The following DLG2 variants were observed in gnomAD, a reference collection of about 807,000 sequenced individuals.
The protein encoded by DLG2 is discs large MAGUK scaffold protein 2.
Under a neutral mutation model 132.5 loss-of-function variants are expected in DLG2, and 45 were observed. That is an observed-to-expected ratio of 0.34 (90% CI 0.27 to 0.44). The LOEUF is 0.44. Among genes scored for constraint, DLG2 ranks in the 20% least tolerant of loss-of-function variants. The pLI, the probability that DLG2 is intolerant of heterozygous loss-of-function variation, is 1.00. For missense variants in DLG2, 1,045 were observed against 1,196.9 expected, an observed-to-expected ratio of 0.87 and a Z score of 1.87; for synonymous variants, 424 against 419.6, an observed-to-expected ratio of 1.01 and a Z score of -0.13.
intron 3 of DLG2, among the ~76,000 whole-genome samples, chr11:85,404,221 A>G (rs1261176355): frequency 6.6e-6 from 1 of 152,024 alleles, no homozygotes; most frequent in Non-Finnish European, 1.5e-5. Flanking sequence ...AATATCTGGC[A>G]TCATTGGCAT....
intron 3 of DLG2, among the ~76,000 whole-genome samples, chr11:85,512,339 T>G (rs1298926823): frequency 6.6e-6 from 1 of 152,144 alleles, no homozygotes; most frequent in Non-Finnish European, 1.5e-5. Context: ...TTAGTTGAAG[T>G]GACTATGCTG....
chr11:85,397,234 A>T (rs1012980436), intron 3 of DLG2, among the ~76,000 whole-genome samples: 6 of 152,186 alleles, frequency 3.9e-5, no homozygotes, highest in African/African-American at 1.4e-4. Flanking sequence ...ATGCTGAGAG[A>T]TTTTGTCACC....
intron 6 of DLG2, among the ~76,000 whole-genome samples, chr11:84,807,188 G>A (rs971450376): frequency 1.1e-4 from 16 of 152,184 alleles, no homozygotes; most frequent in African/African-American, 3.9e-4. Context: ...GCTCACATCT[G>A]TAATCCCAGC....
chr11:84,846,299 G>T (rs372720218), intron 6 of DLG2, among the ~76,000 whole-genome samples: 9 of 152,102 alleles, frequency 5.9e-5, no homozygotes, highest in African/African-American at 2.2e-4. Context: ...AGAACTATAG[G>T]TTACCAATGC....
At chr11:83,683,158 C>T (rs1045778073) in intron 18 of DLG2, among the ~76,000 whole-genome samples, 1 of 152,146 alleles carries the variant, frequency 6.6e-6, no homozygotes, top group Non-Finnish European at 1.5e-5. Context: ...TTAGGTTCAT[C>T]GAATAACAGC....
At chr11:85,384,035 T>C (rs1349903282) in intron 3 of DLG2, among the ~76,000 whole-genome samples, 1 of 152,200 alleles carries the variant, frequency 6.6e-6, no homozygotes, top group South Asian at 2.1e-4. Flanking sequence ...AACTGTCTCC[T>C]AGTTAATACT....
chr11:84,439,828 T>C (rs2099012189), intron 7 of DLG2, among the ~76,000 whole-genome samples: 1 of 152,180 alleles, frequency 6.6e-6, no homozygotes, highest in Non-Finnish European at 1.5e-5. Flanking sequence ...CCTAAGTTAA[T>C]GATTAGAAAA....
chr11:83,664,304 A>T (rs1456578441), intron 18 of DLG2, among the ~76,000 whole-genome samples: 3 of 152,158 alleles, frequency 2.0e-5, no homozygotes, highest in African/African-American at 7.2e-5. Flanking sequence ...TAGAGAGGTT[A>T]TGTAGTTGCA....
intron 5 of DLG2, among the ~76,000 whole-genome samples, chr11:85,116,115 C>CT (rs1293729307): frequency 6.6e-6 from 1 of 151,936 alleles, no homozygotes; most frequent in African/African-American, 2.4e-5. Flanking sequence ...AACTAAGTGG[C>CT]TTTTTGCATG....
intron 6 of DLG2, among the ~76,000 whole-genome samples, chr11:84,806,398 T>A (rs2076002674): frequency 6.6e-6 from 1 of 152,108 alleles, no homozygotes; most frequent in African/African-American, 2.4e-5. Flanking sequence ...GTCAATTTTA[T>A]GAAAACTAAA....
At chr11:83,635,892 C>T (rs1317157058) in intron 18 of DLG2, among the ~76,000 whole-genome samples, 1 of 152,124 alleles carries the variant, frequency 6.6e-6, no homozygotes, top group Non-Finnish European at 1.5e-5. Flanking sequence ...AGTGGGACTA[C>T]TGGTCAAACC....
At chr11:83,547,773 T>C (rs573110849) in intron 19 of DLG2, among the ~76,000 whole-genome samples, 21 of 152,278 alleles carry the variant, frequency 1.4e-4, no homozygotes, top group Non-Finnish European at 2.9e-4. Context: ...TTTAAGTCAT[T>C]AGTTCTGTGA....
At chr11:84,367,742 C>A (rs1318817598) in intron 7 of DLG2, among the ~76,000 whole-genome samples, 2 of 152,064 alleles carry the variant, frequency 1.3e-5, no homozygotes, top group African/African-American at 4.8e-5. Flanking sequence ...AGCAAGTGGA[C>A]CTCACCAGAA....
intron 19 of DLG2, among the ~76,000 whole-genome samples, chr11:83,593,933 G>A (rs2097239095): frequency 6.6e-6 from 1 of 151,834 alleles, no homozygotes; most frequent in South Asian, 2.1e-4. Context: ...AGTCCTTATT[G>A]AGACTACTTA....
chr11:84,509,503 A>T (rs901292100), intron 7 of DLG2, among the ~76,000 whole-genome samples: 4 of 152,186 alleles, frequency 2.6e-5, no homozygotes, highest in Admixed American at 1.3e-4. Context: ...TATTTCTCCA[A>T]CCCATGGCAA....
At chr11:85,309,644 T>C (rs2080189696) in intron 3 of DLG2, among the ~76,000 whole-genome samples, 1 of 152,138 alleles carries the variant, frequency 6.6e-6, no homozygotes, top group African/African-American at 2.4e-5. Flanking sequence ...CCTGACATCC[T>C]CCCTGTCCCT....
At chr11:83,564,714 A>C (rs2096672325) in intron 19 of DLG2, among the ~76,000 whole-genome samples, 1 of 152,196 alleles carries the variant, frequency 6.6e-6, no homozygotes, top group Admixed American at 6.5e-5. Flanking sequence ...GAAGATTGAT[A>C]ATCTTGCAAC....
chr11:84,902,326 T>C (rs1205666103), intron 6 of DLG2, among the ~76,000 whole-genome samples: 2 of 152,136 alleles, frequency 1.3e-5, no homozygotes, highest in African/African-American at 2.4e-5. Context: ...ATTTGAAATG[T>C]TTTTATAAAG....
intron 6 of DLG2, among the ~76,000 whole-genome samples, chr11:84,708,744 T>G (rs116333740): frequency 6.6e-6 from 1 of 151,700 alleles, no homozygotes; most frequent in African/African-American, 2.4e-5. Context: ...AGACCAACCA[T>G]AGCAATTTGT....
Sources: allele counts gnomAD v4.1 joint callset (sites outside exome capture counted in the v4.1 genomes callset), GRCh38; gene constraint gnomAD v4.1.1; transcripts MANE v1.5; gene names NCBI Gene and HGNC (gene_info 2026-07-23, HGNC 2026-07-21).